The following MEGF11 variants were observed in gnomAD, a reference collection of about 807,000 sequenced individuals.
MEGF11 encodes the protein multiple EGF like domains 11.
In MEGF11, 126 loss-of-function variants were observed where a neutral mutation model predicts 146.6. That is an observed-to-expected ratio of 0.86 (90% CI 0.74 to 1.00). The LOEUF is 1.00. MEGF11 is among the 50% of genes least tolerant of loss of function. MEGF11 has a pLI of 0.00. For missense variants in MEGF11, 1,509 were observed against 1,521.2 expected (o/e 0.99, Z 0.13); for synonymous variants, 532 against 583.4 (o/e 0.91, Z 1.27).
chr15:66,034,304 G>A (rs1032102489), intron 5 of MEGF11, among the ~76,000 whole-genome samples: 1 of 151,974 alleles, frequency 6.6e-6, no homozygotes, highest in Non-Finnish European at 1.5e-5. Flanking sequence ...CTGAGTTGGT[G>A]TTGGAACAGT....
chr15:66,183,114 A>C (rs2090597077), intron 1 of MEGF11, among the ~76,000 whole-genome samples: 1 of 152,220 alleles, frequency 6.6e-6, no homozygotes, highest in African/African-American at 2.4e-5. Flanking sequence ...GACACTACAT[A>C]TTTTACAATG....
chr15:66,133,022 C>T (rs1321834824), intron 1 of MEGF11, among the ~76,000 whole-genome samples: 2 of 152,324 alleles, frequency 1.3e-5, no homozygotes, highest in African/African-American at 4.8e-5. Context: ...TCTCAACCAT[C>T]CCAAGCCTCA....
At chr15:66,133,647 G>A (rs991066907) in intron 1 of MEGF11, among the ~76,000 whole-genome samples, 2 of 152,094 alleles carry the variant, frequency 1.3e-5, no homozygotes, top group African/African-American at 4.8e-5. Flanking sequence ...CCTGATTAGT[G>A]CGAGATGAAA....
intron 19 of MEGF11, 50 bp downstream of exon 19, chr15:65,915,420 G>C (rs1397021568): frequency 2.5e-6 from 4 of 1,600,112 alleles, no homozygotes; most frequent in Non-Finnish European, 1.7e-6. Flanking sequence ...CCCTAGAGCT[G>C]CCATGGGGCC....
chr15:66,128,124 C>T (rs1281640906), intron 2 of MEGF11, among the ~76,000 whole-genome samples, 182 bp downstream of exon 2: 1 of 151,838 alleles, frequency 6.6e-6, no homozygotes, highest in East Asian at 1.9e-4. Context: ...TGCCTCCACC[C>T]TGACCTTCCA....
At chr15:66,072,903 G>T (rs1036811549) in intron 5 of MEGF11, among the ~76,000 whole-genome samples, 14 of 152,228 alleles carry the variant, frequency 9.2e-5, no homozygotes, top group Admixed American at 3.3e-4. Flanking sequence ...TGCCCTATGG[G>T]CCCTCTGATT....
chr15:65,978,882 C>G (rs965151761), intron 7 of MEGF11, among the ~76,000 whole-genome samples: 1 of 152,174 alleles, frequency 6.6e-6, no homozygotes, highest in Non-Finnish European at 1.5e-5. Flanking sequence ...TTGAACAGGT[C>G]CCTTACCCTC....
intron 1 of MEGF11, among the ~76,000 whole-genome samples, chr15:66,252,027 A>G (rs2092378332): frequency 6.6e-6 from 1 of 152,122 alleles, no homozygotes; most frequent in South Asian, 2.1e-4. Flanking sequence ...AGCTTTTGGT[A>G]CCTCTAAACC....
chr15:66,132,984 G>C (rs953138296), intron 1 of MEGF11, among the ~76,000 whole-genome samples: 1 of 152,110 alleles, frequency 6.6e-6, no homozygotes, highest in Non-Finnish European at 1.5e-5. Flanking sequence ...ACTGATTACT[G>C]ACTCTGCAGC....
At chr15:66,152,429 C>T (rs1387358818) in intron 1 of MEGF11, among the ~76,000 whole-genome samples, 1 of 152,182 alleles carries the variant, frequency 6.6e-6, no homozygotes, top group Non-Finnish European at 1.5e-5. Context: ...TGTAAGTCAC[C>T]TCTCAGCATC....
chr15:66,116,571 A>G (rs2087740563), intron 4 of MEGF11, among the ~76,000 whole-genome samples: 1 of 152,200 alleles, frequency 6.6e-6, no homozygotes, highest in African/African-American at 2.4e-5. Context: ...GGTAACATGA[A>G]CATGTGGTAA....
chr15:66,027,251 CTT>C (rs1446816234), intron 5 of MEGF11, among the ~76,000 whole-genome samples: 2 of 152,252 alleles, frequency 1.3e-5, no homozygotes, highest in African/African-American at 2.4e-5. Flanking sequence ...CAAATCCCGA[CTT>C]TACCCCTTCC....
intron 1 of MEGF11, among the ~76,000 whole-genome samples, chr15:66,192,656 A>G (rs1452797516): frequency 2.0e-5 from 3 of 152,190 alleles, no homozygotes; most frequent in African/African-American, 7.2e-5. Flanking sequence ...TAACAGAGCC[A>G]GGATTTGCCC....
intron 7 of MEGF11, among the ~76,000 whole-genome samples, chr15:65,974,949 G>A (rs951787646): frequency 6.6e-6 from 1 of 151,932 alleles, no homozygotes; most frequent in Non-Finnish European, 1.5e-5. Context: ...GAGTTCAAGC[G>A]ATTATCCCAT....
In MEGF11 at chr15:66,160,860, G is replaced by A. The variant is rs80133734; in HGVS notation, c.-8-32449C>T. Among the ~76,000 whole-genome samples, 1,159 of 152,308 alleles carry A rather than the reference G, an allele frequency of 7.6e-3. 21 individuals are homozygous for A. The highest frequency in any genetic ancestry group is 0.026 in the African/African-American group (1,097 of 41,568). ...TGGGAAGGGAATCCAGTATGCCAGA[G>A]CTAGAAGCAGGATGGCAGCTTAAAC... On this transcript the variant is annotated intron_variant, in intron 1 of 25. Coordinates refer to ENST00000395614, the MANE Select transcript of MEGF11 (RefSeq NM_001385028.1).
chr15:66,157,919 T>C (rs2089819539), intron 1 of MEGF11, among the ~76,000 whole-genome samples: 1 of 152,226 alleles, frequency 6.6e-6, no homozygotes, highest in African/African-American at 2.4e-5. Flanking sequence ...AGGTTGAATA[T>C]ACGTGCCAAC....
At chr15:66,094,225 C>T (rs1446696391) in intron 5 of MEGF11, among the ~76,000 whole-genome samples, 177 bp downstream of exon 5, 2 of 152,196 alleles carry the variant, frequency 1.3e-5, no homozygotes, top group Non-Finnish European at 2.9e-5. Context: ...CACCATCCCT[C>T]AAGTGCCACC....
At chr15:66,103,131 C>T (rs1039541427) in intron 4 of MEGF11, among the ~76,000 whole-genome samples, 2 of 152,180 alleles carry the variant, frequency 1.3e-5, no homozygotes, top group Non-Finnish European at 2.9e-5. Flanking sequence ...GGACAGATGG[C>T]TGGATAGGGG....
intron 1 of MEGF11, among the ~76,000 whole-genome samples, chr15:66,165,397 C>T (rs1182674251): frequency 2.0e-5 from 3 of 152,180 alleles, no homozygotes; most frequent in Non-Finnish European, 4.4e-5. Flanking sequence ...GGGCAGCTGA[C>T]CTTGTCAAAC....
Sources: allele counts gnomAD v4.1 joint callset (sites outside exome capture counted in the v4.1 genomes callset), GRCh38; gene constraint gnomAD v4.1.1; transcripts MANE v1.5; gene names NCBI Gene and HGNC (gene_info 2026-07-23, HGNC 2026-07-21).